Variants in NALF1 observed in about 807,000 individuals in gnomAD.
NALF1 encodes NALCN channel auxiliary factor 1.
In NALF1, 3 loss-of-function variants were observed where a neutral mutation model predicts 48.4. The ratio of observed to expected loss-of-function variants is 0.06; its 90% CI spans 0.03 to 0.16. The LOEUF (loss-of-function observed/expected upper bound fraction) is 0.16, where lower values mean the gene tolerates loss of function less well. Ranked by LOEUF, NALF1 falls within the 10% of genes least tolerant of loss-of-function variation. NALF1 has a pLI of 1.00. For missense variants in NALF1, 526 were observed against 571.5 expected (o/e 0.92, Z 0.81); for synonymous variants, 262 against 245.7 (o/e 1.07, Z -0.62).
chr13:107,459,464 T>C (rs1283934146), intron 1 of NALF1, among the ~76,000 whole-genome samples: 3 of 151,992 alleles, frequency 2.0e-5, no homozygotes, highest in African/African-American at 4.8e-5. Context: ...GAAGACACAA[T>C]AGAGCCAAAG....
intron 1 of NALF1, among the ~76,000 whole-genome samples, chr13:107,515,321 T>C (rs762678098): frequency 5.3e-5 from 8 of 152,140 alleles, no homozygotes; most frequent in Admixed American, 2.0e-4. Context: ...CCACGAGAAA[T>C]TGTATCTTTG....
At chr13:107,726,428 C>T (rs1876151842) in intron 1 of NALF1, among the ~76,000 whole-genome samples, 1 of 151,834 alleles carries the variant, frequency 6.6e-6, no homozygotes, top group South Asian at 2.1e-4. Context: ...TAAAAAATTC[C>T]TTTTATTTGA....
intron 1 of NALF1, among the ~76,000 whole-genome samples, chr13:107,639,970 T>G (rs1203992093): frequency 6.6e-6 from 1 of 152,184 alleles, no homozygotes; most frequent in Non-Finnish European, 1.5e-5. Flanking sequence ...TACAGCTGTT[T>G]TGAATTCGTC....
chr13:107,207,815 C>A (rs1323875006), intron 2 of NALF1, among the ~76,000 whole-genome samples: 3 of 152,096 alleles, frequency 2.0e-5, no homozygotes, highest in Non-Finnish European at 4.4e-5. Flanking sequence ...CTGGCTAGTT[C>A]TTTTATTTTT....
intron 1 of NALF1, among the ~76,000 whole-genome samples, chr13:107,448,337 G>A (rs538337137): frequency 6.6e-6 from 1 of 151,378 alleles, no homozygotes; most frequent in South Asian, 2.1e-4. Flanking sequence ...TTTAGCAATG[G>A]CCATCTGTTT....
intron 1 of NALF1, among the ~76,000 whole-genome samples, chr13:107,592,892 T>A (rs1878636852): frequency 6.6e-6 from 1 of 151,920 alleles, no homozygotes. Context: ...ATACACATTC[T>A]TTATTTCTTT....
chr13:107,664,713 T>A (rs2066440943), intron 1 of NALF1, among the ~76,000 whole-genome samples: 1 of 152,232 alleles, frequency 6.6e-6, no homozygotes, highest in East Asian at 1.9e-4. Context: ...TGTGGAGTTT[T>A]AATACCCACA....
Position 107,165,560 on chromosome 13 carries a change from T to G in NALF1, c.*4937A>C, listed in dbSNP as rs1219847720. ...TCAAGAATAAAAACCATAGTTCATA[T>G]TTTGTTTCATGCCTTAAGTTTTATT... On this transcript the variant is annotated 3_prime_UTR_variant, in exon 3 of 3. Coordinates refer to ENST00000375915, the MANE Select transcript of NALF1 (RefSeq NM_001080396.3). 1 of 152,240 alleles carries G rather than the reference T, an allele frequency of 6.6e-6. No homozygotes were observed. The highest frequency in any genetic ancestry group is 6.5e-5 in the Admixed American group (1 of 15,284). 9.4% of individuals were successfully genotyped at this position (152,240 alleles called of 1,614,324 possible).
At chr13:107,391,666 G>C (rs569227018) in intron 1 of NALF1, among the ~76,000 whole-genome samples, 57 of 152,154 alleles carry the variant, frequency 3.7e-4, no homozygotes, top group African/African-American at 1.3e-3. Flanking sequence ...ACCTTAACCT[G>C]AACATTCCTT....
intron 1 of NALF1, among the ~76,000 whole-genome samples, chr13:107,423,758 A>C (rs2139010753): frequency 6.6e-6 from 1 of 152,276 alleles, no homozygotes; most frequent in South Asian, 2.1e-4. Flanking sequence ...AAATAAAATC[A>C]ATCTTGGAGA....
intron 1 of NALF1, among the ~76,000 whole-genome samples, chr13:107,703,735 C>T (rs982084462): frequency 1.3e-5 from 2 of 152,024 alleles, no homozygotes; most frequent in African/African-American, 4.8e-5. Flanking sequence ...TTTTCTTTTT[C>T]CCCCGGAGTC....
At chr13:107,347,142 C>T (rs867384212) in intron 1 of NALF1, among the ~76,000 whole-genome samples, 1 of 152,106 alleles carries the variant, frequency 6.6e-6, no homozygotes, top group African/African-American at 2.4e-5. Flanking sequence ...TACCCACAAG[C>T]GCCATAATGA....
chr13:107,234,376 T>C (rs1478041908), intron 1 of NALF1, among the ~76,000 whole-genome samples: 4 of 152,206 alleles, frequency 2.6e-5, no homozygotes, highest in Non-Finnish European at 5.9e-5. Flanking sequence ...CAGCAGATTC[T>C]GTGACAAACA....
intron 1 of NALF1, among the ~76,000 whole-genome samples, chr13:107,376,330 T>C (rs1388653704): frequency 1.3e-5 from 2 of 152,134 alleles, no homozygotes; most frequent in Non-Finnish European, 2.9e-5. Flanking sequence ...GATAGATAGG[T>C]GTGTGGGATT....
At chr13:107,848,323 C>T (rs1880224042) in intron 1 of NALF1, among the ~76,000 whole-genome samples, 1 of 152,100 alleles carries the variant, frequency 6.6e-6, no homozygotes, top group Non-Finnish European at 1.5e-5. Context: ...GAAAATGTAA[C>T]TTTTCTCCTA....
chr13:107,726,913 T>TGTG (rs1491475476), intron 1 of NALF1, among the ~76,000 whole-genome samples: 1 of 126,400 alleles, frequency 7.9e-6, no homozygotes, highest in East Asian at 3.1e-4. Flanking sequence ...CGGCAAATTC[T>TGTG]TGTGTGTGTG....
In NALF1 at chr13:107,229,395, G is replaced by C. The variant is rs531284837; in HGVS notation, c.916-18640C>G. 2.0e-5 allele frequency among the ~76,000 whole-genome samples: 3 copies of C among 152,286 alleles called. No homozygotes were observed. The South Asian group carries it at 6.2e-4, about 32-fold the overall frequency. ...TTATGTCAGTCTTGTGATAAAGAGA[G>C]TGTCAGGATCATTTCTCATGCTGGG... On this transcript the variant is annotated intron_variant, in intron 1 of 2. Transcript: ENST00000375915.
intron 1 of NALF1, among the ~76,000 whole-genome samples, chr13:107,594,336 C>G (rs1447537065): frequency 2.0e-5 from 3 of 151,992 alleles, no homozygotes; most frequent in Admixed American, 2.0e-4. Flanking sequence ...ATGAATAACA[C>G]ATAAATAAAT....
chr13:107,769,904 CTTTGTTTTGT>C (rs142279201), intron 1 of NALF1, among the ~76,000 whole-genome samples: 21 of 151,546 alleles, frequency 1.4e-4, no homozygotes, highest in South Asian at 1.0e-3. Flanking sequence ...ATTTTTTTTG[CTTTGTTTTGT>C]TTTGTTTTGT....
Sources: gnomAD v4.1 joint callset for allele counts (sites outside exome capture counted in the v4.1 genomes callset) on GRCh38, gnomAD v4.1.1 for gene constraint, MANE v1.5 for transcripts, NCBI Gene and HGNC (gene_info 2026-07-23, HGNC 2026-07-21) for gene names.